The following NCOA1 variants were observed in gnomAD, a reference collection of about 807,000 sequenced individuals.
NCOA1 encodes the protein Hin-2 protein.
A neutral mutation model predicts 150.9 loss-of-function variants in NCOA1; 35 were observed. That is an observed-to-expected ratio of 0.23 (90% CI 0.18 to 0.31). NCOA1 has a LOEUF of 0.31. Among genes scored for constraint, NCOA1 ranks in the 10% least tolerant of loss-of-function variants. The pLI, the probability that NCOA1 is intolerant of heterozygous loss-of-function variation, is 1.00. For missense variants in NCOA1, 1,491 were observed against 1,749.3 expected (o/e 0.85, Z 2.63); for synonymous variants, 590 against 630.0 (o/e 0.94, Z 0.95).
chr2:24,509,738 C>T (rs1189799992), intron 1 of NCOA1, among the ~76,000 whole-genome samples: 8 of 152,070 alleles, frequency 5.3e-5, no homozygotes, highest in African/African-American at 1.9e-4. Flanking sequence ...TATATGTAGG[C>T]TTAGTACAGA....
intron 3 of NCOA1, among the ~76,000 whole-genome samples, chr2:24,618,672 C>G (rs1572498811): frequency 6.6e-6 from 1 of 152,200 alleles, no homozygotes; most frequent in East Asian, 1.9e-4. Flanking sequence ...TCTGTTCTAC[C>G]TCTACAAACT....
chr2:24,621,432 ATTTTTTT>A (rs1162282258), intron 3 of NCOA1, among the ~76,000 whole-genome samples: 152 of 38,824 alleles, frequency 3.9e-3, no homozygotes, highest in African/African-American at 0.011. Context: ...ATTCAGGCAG[ATTTTTTT>A]TTTTTTTTTT....
intron 22 of NCOA1, among the ~76,000 whole-genome samples, chr2:24,763,893 A>ATTACAAGCATG (rs1187831792): frequency 6.6e-6 from 1 of 152,042 alleles, no homozygotes; most frequent in East Asian, 1.9e-4. Flanking sequence ...AAGTGCTAGG[A>ATTACAAGCATG]TTACAAGCAT....
intron 1 of NCOA1, among the ~76,000 whole-genome samples, chr2:24,537,086 A>T (rs151006954): frequency 1.6e-3 from 237 of 152,150 alleles, no homozygotes; most frequent in Middle Eastern, 6.8e-3. Flanking sequence ...CAATTCGTCC[A>T]TGTAACCCCA....
intron 2 of NCOA1, among the ~76,000 whole-genome samples, chr2:24,567,193 T>C (rs189299670): frequency 2.8e-4 from 43 of 152,348 alleles, no homozygotes; most frequent in Admixed American, 2.8e-3. Context: ...AAGTAGCAGA[T>C]GAAAAAGAGG....
At chr2:24,614,898 T>G (rs1166969367) in intron 3 of NCOA1, among the ~76,000 whole-genome samples, 1 of 152,260 alleles carries the variant, frequency 6.6e-6, no homozygotes, top group African/African-American at 2.4e-5. Flanking sequence ...CTAGGCTCCA[T>G]TCTAAGTCCT....
intron 19 of NCOA1, among the ~76,000 whole-genome samples, chr2:24,749,448 A>G (rs905362043): frequency 1.8e-4 from 28 of 152,236 alleles, no homozygotes; most frequent in Non-Finnish European, 2.9e-4. Flanking sequence ...GTGTGTACAA[A>G]TCAAGGCCAG....
At chr2:24,569,552 A>ATTTTTTTTTTT (rs200639064) in intron 2 of NCOA1, among the ~76,000 whole-genome samples, 20 of 93,790 alleles carry the variant, frequency 2.1e-4, no homozygotes, top group South Asian at 3.9e-4. Context: ...GGTTTTATTA[A>ATTTTTTTTTTT]TTTTTTTTTT....
intron 2 of NCOA1, among the ~76,000 whole-genome samples, chr2:24,575,829 T>C (rs1363580447): frequency 6.6e-6 from 1 of 152,154 alleles, no homozygotes; most frequent in African/African-American, 2.4e-5. Context: ...CACCTGGGCC[T>C]CCCAAAGTGC....
intron 1 of NCOA1, among the ~76,000 whole-genome samples, chr2:24,511,080 T>C (rs952566943): frequency 6.6e-6 from 1 of 152,216 alleles, no homozygotes; most frequent in Non-Finnish European, 1.5e-5. Flanking sequence ...GTACATTTCA[T>C]GTAAGTGAAA....
intron 6 of NCOA1, 67 bp from the exon 7 acceptor site, chr2:24,673,299 G>C (rs560623646): frequency 1.7e-6 from 2 of 1,149,974 alleles, no homozygotes; most frequent in East Asian, 2.7e-5. Context: ...CTATGTCTTC[G>C]TAAACTTGAC....
chr2:24,722,494 G>GT (rs540051580), intron 14 of NCOA1, among the ~76,000 whole-genome samples: 84 of 151,840 alleles, frequency 5.5e-4, no homozygotes, highest in African/African-American at 1.7e-3. Context: ...GAATAATGCT[G>GT]TTTTTTTTAA....
In NCOA1 at chr2:24,569,552, A is replaced by ATTTTTTT. The variant is rs200639064; in HGVS notation, c.-260+5143_-260+5149dup. ...ATCCTCAAACTTGTTGGTTTTATTAATTTTTTTTTTTTTTTTTTTTTTTTT... is the reference window on the plus strand; with the variant it reads ...ATCCTCAAACTTGTTGGTTTTATTAATTTTTTTTTTTTTTTTTTTTTTTTTTTTTTTT... On this transcript the variant is annotated intron_variant, in intron 2 of 22. Coordinates refer to ENST00000348332, the MANE Select transcript of NCOA1 (RefSeq NM_003743.5). Among the ~76,000 whole-genome samples, 918 of 93,730 alleles carry ATTTTTTT rather than the reference A, an allele frequency of 9.8e-3. 85 individuals are homozygous for ATTTTTTT. The highest frequency in any genetic ancestry group is 0.015 in the Non-Finnish European group (759 of 50,208). 61.5% of individuals were successfully genotyped at this position (93,730 alleles called of 152,430 possible). A position where few individuals can be genotyped will look rare whatever the true frequency, so the allele number is the denominator to read the frequency against.
intron 3 of NCOA1, among the ~76,000 whole-genome samples, chr2:24,631,091 C>T (rs1669689468): frequency 6.6e-6 from 1 of 151,946 alleles, no homozygotes. Context: ...TTTTTTCACC[C>T]AAAATTTGAT....
At chr2:24,507,778 A>G (rs1459973074) in intron 1 of NCOA1, among the ~76,000 whole-genome samples, 1 of 152,120 alleles carries the variant, frequency 6.6e-6, no homozygotes, top group African/African-American at 2.4e-5. Flanking sequence ...TCAAAGTCAA[A>G]TGTGTGTTCC....
intron 1 of NCOA1, among the ~76,000 whole-genome samples, chr2:24,494,082 G>A (rs1035239141): frequency 6.6e-6 from 1 of 152,178 alleles, no homozygotes; most frequent in African/African-American, 2.4e-5. Context: ...GGAATGTTCT[G>A]TGCATGTCTT....
chr2:24,754,871 G>T (rs1664423972), intron 20 of NCOA1, among the ~76,000 whole-genome samples: 1 of 152,172 alleles, frequency 6.6e-6, no homozygotes, highest in Non-Finnish European at 1.5e-5. Context: ...CTTGGATTCA[G>T]ATTCAAATAT....
At chr2:24,588,506 C>G (rs56293719) in intron 3 of NCOA1, among the ~76,000 whole-genome samples, 1 of 152,144 alleles carries the variant, frequency 6.6e-6, no homozygotes, top group East Asian at 1.9e-4. Context: ...CCTTTTTCCC[C>G]CCTCTCCGTT....
intron 5 of NCOA1, 124 bp downstream of exon 5, chr2:24,658,890 T>A: frequency 2.4e-6 from 2 of 817,142 alleles, no homozygotes; most frequent in Non-Finnish European, 4.0e-6. Flanking sequence ...ATACTCACCA[T>A]GTTGTCTTCC....
Sources: allele counts gnomAD v4.1 joint callset (sites outside exome capture counted in the v4.1 genomes callset), GRCh38; gene constraint gnomAD v4.1.1; transcripts MANE v1.5; gene names NCBI Gene and HGNC (gene_info 2026-07-23, HGNC 2026-07-21).